The following BRWD1 variants were observed in gnomAD, a reference collection of about 807,000 sequenced individuals.
BRWD1 encodes the protein bromodomain and WD repeat domain containing 1, also known as bromodomain and WD repeat-containing protein 1.
Under a neutral mutation model 251.2 loss-of-function variants are expected in BRWD1, and 82 were observed. The observed-to-expected ratio is 0.33, with a 90% confidence interval of 0.27 to 0.39. The LOEUF is 0.39. Ranked by LOEUF, BRWD1 falls within the 10% of genes least tolerant of loss-of-function variation. The pLI is 1.00. For synonymous variants in BRWD1, 918 were observed against 902.8 expected (o/e 1.02, Z -0.30); for missense variants, 2,233 against 2,711.6 (o/e 0.82, Z 3.92).
chr21:39,219,851 T>G (rs2033102002), intron 29 of BRWD1: 1 of 152,198 alleles, frequency 6.6e-6, no homozygotes, highest in Non-Finnish European at 1.5e-5. Flanking sequence ...GAAAAAGGAT[T>G]TCCATTTTAT....
rs2035947798 is a variant in BRWD1, at chr21:39,295,826, T to C, written c.526A>G (p.Ile176Val). 6.2e-7 allele frequency: 1 copy of C among 1,612,148 alleles called. No homozygotes were observed. ...TAFPGTMYQH[I>V]KMHRRILGHL... The stretch of plus-strand genomic sequence containing the variant: ...CCGAGAATCCTTCTGTGCATTTTTA[T>C]ATGCTGATACATAGTTCCTGGAAAT... Residue 176 changes from isoleucine (I) to valine (V), a missense_variant, in exon 7 of 41, where the codon ATA (isoleucine) becomes GTA (valine). Physicochemically the swap from Ile to Val is conservative, Grantham distance 29. Around this residue, in one of 12 missense-constraint regions of BRWD1, gnomAD observed 185 missense variants for 260.6 expected, o/e 0.71. Transcript: ENST00000342449.
At chr21:39,311,003 AAAG>A (rs1484811729) in intron 4 of BRWD1, among the ~76,000 whole-genome samples, 1 of 152,074 alleles carries the variant, frequency 6.6e-6, no homozygotes, top group Non-Finnish European at 1.5e-5. Context: ...GAAGGTAAAA[AAAG>A]AAAGGACACC....
intron 4 of BRWD1, among the ~76,000 whole-genome samples, chr21:39,306,749 G>C (rs894510204): frequency 7.9e-5 from 12 of 152,190 alleles, no homozygotes; most frequent in Admixed American, 6.5e-4. Context: ...TATTAGAATT[G>C]CAAGTAGTCA....
chr21:39,240,335 T>C (rs185940885), intron 21 of BRWD1, among the ~76,000 whole-genome samples: 1 of 152,184 alleles, frequency 6.6e-6, no homozygotes, highest in Non-Finnish European at 1.5e-5. Context: ...ATTATAAATT[T>C]GTTAAAAAAT....
Position 39,236,667 on chromosome 21 carries a change from T to A in BRWD1, c.2694A>T (p.Glu898Asp). ...GAGGAGATAAATTCTCAGTAGATAT[T>A]TCATCTTCTGAACTACTACAAAATC... ...ITRFCSSSED[E>D]ISTENLSPPK... Residue 898 changes from glutamate (E) to aspartate (D), a missense_variant, in exon 23 of 41, where the codon GAA (glutamate) becomes GAT (aspartate). Glu to Asp is a conservative substitution (Grantham distance 45, BLOSUM62 2). This residue lies in a region of BRWD1 where 214 missense variants were observed against 222.0 expected (regional missense o/e 0.96). Transcript: ENST00000342449. 1.2e-6 allele frequency: 2 copies of A among 1,613,634 alleles called. No individual in the cohort carries two copies. The highest frequency in any genetic ancestry group is 1.7e-6 in the Non-Finnish European group (2 of 1,179,588).
chr21:39,189,385 A>G lies in BRWD1; in HGVS notation c.*6874T>C. ...ATTTTGATGTGTGATCAAAGTACCT[A>G]TACTGACAATTTAGGAACCTAGTAA... On this transcript the variant is annotated 3_prime_UTR_variant, in exon 41 of 41. Transcript: ENST00000342449. 1 of 981,142 alleles carries G rather than the reference A, an allele frequency of 1.0e-6. No individual in the cohort carries two copies. Among genetic ancestry groups the G allele is most frequent in the Non-Finnish European group, 1.2e-6 (1 of 826,016 alleles). 60.8% of individuals were successfully genotyped at this position (981,142 alleles called of 1,614,324 possible). A position where few individuals can be genotyped will look rare whatever the true frequency, so the allele number is the denominator to read the frequency against.
chr21:39,277,081 A>T (rs535843466), intron 11 of BRWD1, among the ~76,000 whole-genome samples, 170 bp downstream of exon 11: 4 of 152,236 alleles, frequency 2.6e-5, no homozygotes, highest in Non-Finnish European at 5.9e-5. Context: ...AAATGCAACT[A>T]TGATTTAATA....
rs1284458250 is a variant in BRWD1, at chr21:39,296,346, A to G, written c.367T>C (p.Trp123Arg). 2 of 1,590,096 alleles carry G rather than the reference A, an allele frequency of 1.3e-6. No homozygotes were observed. The highest frequency in any genetic ancestry group is 1.7e-6 in the Non-Finnish European group (2 of 1,170,458). ...AGAGCAGCAAAGGCAGAGCCCTTCC[A>G]AACTGTGTGCCTGCAGTCTTTAAAA... ...RTAKDCRHTV[W>R]KGSAFAALHR... The change falls in exon 6 of 41, where the codon TGG (tryptophan) becomes CGG (arginine). Residue 123 changes from tryptophan to arginine, a missense_variant. Trp to Arg is a moderately radical substitution (Grantham distance 101). This residue lies in a region of BRWD1 where 185 missense variants were observed against 260.6 expected (regional missense o/e 0.71). Coordinates refer to ENST00000342449, the MANE Select transcript of BRWD1 (RefSeq NM_033656.4).
intron 18 of BRWD1, among the ~76,000 whole-genome samples, 191 bp downstream of exon 18, chr21:39,258,296 T>G (rs546736586): frequency 3.9e-5 from 6 of 152,230 alleles, no homozygotes; most frequent in Non-Finnish European, 8.8e-5. Flanking sequence ...CAGCAGTACT[T>G]GAAATTCAAA....
chr21:39,199,018 C>T lies in BRWD1; in HGVS notation c.5398G>A (p.Gly1800Ser). Residue 1800 changes from glycine (G) to serine (S), a missense_variant, in exon 40 of 41, where the codon GGT (glycine) becomes AGT (serine). This residue lies in a region of BRWD1 where 928 missense variants were observed against 970.0 expected (regional missense o/e 0.96). Coordinates refer to ENST00000342449, the MANE Select transcript of BRWD1 (RefSeq NM_033656.4). Reference sequence around the variant, plus strand: ...TTGTGAAATGTATTGTATTTCCTACCACCAGATCTTCCTGGTTCAGAATCT... The same window carrying T: ...TTGTGAAATGTATTGTATTTCCTACTACCAGATCTTCCTGGTTCAGAATCT... ...EADSEPGRSG[G>S]RKYNTFHKNA... The T allele has an allele frequency of 6.2e-7, 1 of 1,614,000 alleles. No homozygotes were observed. The highest frequency in any genetic ancestry group is 1.6e-4 in the Middle Eastern group (1 of 6,062).
intron 29 of BRWD1, among the ~76,000 whole-genome samples, chr21:39,222,213 G>GA (rs916569886): frequency 1.2e-4 from 18 of 151,014 alleles, no homozygotes; most frequent in Middle Eastern, 3.2e-3. Flanking sequence ...GTACCCAAAA[G>GA]AAAAAAAAAC....
chr21:39,247,662 T>G (rs2034242139), intron 21 of BRWD1, 39 bp downstream of exon 21: 2 of 1,563,886 alleles, frequency 1.3e-6, no homozygotes, highest in African/African-American at 2.7e-5. Context: ...CCAAATTCAT[T>G]TAAGATTATC....
intron 7 of BRWD1, 106 bp from the exon 8 acceptor site, chr21:39,294,138 T>C: frequency 1.2e-6 from 1 of 812,346 alleles, no homozygotes; most frequent in Non-Finnish European, 1.9e-6. Flanking sequence ...TCTTTCCAAC[T>C]ATAGAATACT....
chr21:39,315,663 A>C (rs916481239), upstream of BRWD1: 1 of 152,070 alleles, frequency 6.6e-6, no homozygotes, highest in African/African-American at 2.4e-5. Context: ...GTGAGGTAAC[A>C]ATCTAAATAT....
Position 39,196,112 on chromosome 21 carries a change from A to C in BRWD1, c.*147T>G. ...ACCAGCAAGTGCAAATAAAAATAAC[A>C]GTCATGATTTAGTCACATTCATAAC... is the stretch of plus-strand genomic sequence containing the variant. On this transcript the variant is annotated 3_prime_UTR_variant, in exon 41 of 41. Transcript: ENST00000342449. 4.3e-6 allele frequency: 6 copies of C among 1,409,234 alleles called. No individual in the cohort carries two copies. Among genetic ancestry groups the C allele is most frequent in the Middle Eastern group, 2.2e-4 (1 of 4,608 alleles). The allele number at this position is 1,409,234 out of a possible 1,614,324, so 87.3% of individuals were successfully genotyped here.
At position 39,189,766 on chromosome 21, in the gene BRWD1, A is replaced by C. The variant is rs2031448557; in HGVS notation, c.*6493T>G. ...AAGTGCTTTTTCTCAAGAAAACTAC[A>C]AACAGTTTTAGAAATATATATAGGA... is the stretch of plus-strand genomic sequence containing the variant. On this transcript the variant is annotated 3_prime_UTR_variant, in exon 41 of 41. Coordinates refer to ENST00000342449, the MANE Select transcript of BRWD1 (RefSeq NM_033656.4). The C allele has an allele frequency of 1.0e-6, 1 of 983,900 alleles. No homozygotes were observed. Among genetic ancestry groups the C allele is most frequent in the African/African-American group, 1.7e-5 (1 of 57,318 alleles). 60.9% of individuals were successfully genotyped at this position (983,900 alleles called of 1,614,324 possible).
At chr21:39,295,218 G>A (rs1375054156) in intron 7 of BRWD1, among the ~76,000 whole-genome samples, 7 of 107,564 alleles carry the variant, frequency 6.5e-5, no homozygotes, top group African/African-American at 2.5e-4. Flanking sequence ...ACGGAATCTC[G>A]CTCTGTCGCC....
intron 15 of BRWD1, among the ~76,000 whole-genome samples, chr21:39,268,472 G>C (rs1400575598): frequency 7.2e-6 from 1 of 139,658 alleles, no homozygotes; most frequent in African/African-American, 2.7e-5. Context: ...TATCACCATA[G>C]TAAGGGGACA....
At chr21:39,247,935 AG>A (rs2034254026) in intron 20 of BRWD1, 103 bp from the exon 21 acceptor site, 2 of 1,299,242 alleles carry the variant, frequency 1.5e-6, no homozygotes, top group South Asian at 3.9e-5. Flanking sequence ...TAAAGCAAAA[AG>A]AAAAAAAGGC....
Sources: gnomAD v4.1 joint callset for allele counts (sites outside exome capture counted in the v4.1 genomes callset) on GRCh38, gnomAD v4.1.1 for gene constraint, gnomAD v4.1.1 regional missense constraint, MANE v1.5 for transcripts, NCBI Gene and HGNC (gene_info 2026-07-23, HGNC 2026-07-21) for gene names.